ZZZ3: variants seen among roughly 807,000 people sequenced by gnomAD.
ZZZ3 encodes the protein zinc finger ZZ-type containing 3.
In ZZZ3, 22 loss-of-function variants were observed where a neutral mutation model predicts 95.2. That is an observed-to-expected ratio of 0.23 (90% CI 0.17 to 0.33). The LOEUF (loss-of-function observed/expected upper bound fraction) is 0.33, where lower values mean the gene tolerates loss of function less well. ZZZ3 is among the 10% of genes least tolerant of loss of function. The pLI is 1.00. For synonymous variants in ZZZ3, 335 were observed against 358.9 expected, an observed-to-expected ratio of 0.93 and a Z score of 0.75; for missense variants, 885 against 1,066.5, an observed-to-expected ratio of 0.83 and a Z score of 2.37.
intron 1 of ZZZ3, among the ~76,000 whole-genome samples, chr1:77,656,611 C>A (rs953143682): frequency 6.6e-6 from 1 of 152,092 alleles, no homozygotes; most frequent in Non-Finnish European, 1.5e-5. Context: ...AATATTGAGA[C>A]CTTGAATCTT....
intron 1 of ZZZ3, among the ~76,000 whole-genome samples, chr1:77,653,037 A>T (rs1036955778): frequency 1.2e-4 from 18 of 152,206 alleles, no homozygotes; most frequent in African/African-American, 3.9e-4. Context: ...AAATTAAAAA[A>T]TTAGCCAGGT....
At chr1:77,643,680 T>C (rs1668987065) in intron 1 of ZZZ3, among the ~76,000 whole-genome samples, 2 of 152,248 alleles carry the variant, frequency 1.3e-5, no homozygotes, top group South Asian at 4.1e-4. Flanking sequence ...CTGTGTTAAA[T>C]AGATTACGTG....
At position 77,632,077 on chromosome 1, in the gene ZZZ3, A is replaced by T. The variant is rs773340955; in HGVS notation, c.1278T>A (p.Ser426=). 1 of 1,614,090 alleles carries T rather than the reference A, an allele frequency of 6.2e-7. No homozygotes were observed. Among genetic ancestry groups the T allele is most frequent in the Non-Finnish European group, 8.5e-7 (1 of 1,179,974 alleles). Residue 426 remains serine (S), a synonymous_variant, in exon 5 of 15, where the codon TCT becomes TCA. Transcript: ENST00000370801. ...NATVSDNVSQ[S]PTNPGEISQN... Reference sequence around the variant, plus strand: ...GAGAAATTTCACCAGGATTTGTAGGAGATTGACTTACATTATCACTAACAG... The same window carrying T: ...GAGAAATTTCACCAGGATTTGTAGGTGATTGACTTACATTATCACTAACAG...
intron 5 of ZZZ3, among the ~76,000 whole-genome samples, chr1:77,628,351 T>C (rs1212047092): frequency 2.6e-5 from 4 of 152,188 alleles, no homozygotes; most frequent in East Asian, 3.9e-4. Flanking sequence ...AATCCACAGA[T>C]GGAATCTTGC....
chr1:77,670,130 A>G (rs1671623793), intron 1 of ZZZ3, among the ~76,000 whole-genome samples: 1 of 149,744 alleles, frequency 6.7e-6, no homozygotes, highest in Non-Finnish European at 1.5e-5. Context: ...TCTATTATCA[A>G]GCAAATCTCC....
chr1:77,620,978 A>C (rs949817711), intron 5 of ZZZ3, among the ~76,000 whole-genome samples: 2 of 152,228 alleles, frequency 1.3e-5, no homozygotes, highest in Admixed American at 6.5e-5. Context: ...TTATAACTAC[A>C]GAAATCAAAA....
At chr1:77,639,364 T>G in intron 4 of ZZZ3, 85 bp downstream of exon 4, 2 of 1,150,398 alleles carry the variant, frequency 1.7e-6, no homozygotes, top group Non-Finnish European at 2.3e-6. Context: ...TATGGAAAAA[T>G]AACAAGTCTC....
chr1:77,637,296 T>C (rs1164883188), intron 4 of ZZZ3, among the ~76,000 whole-genome samples: 2 of 152,168 alleles, frequency 1.3e-5, no homozygotes, highest in African/African-American at 2.4e-5. Context: ...CTATAAAAAA[T>C]CTTACCTGAA....
At chr1:77,633,567 C>T (rs559171773) in intron 4 of ZZZ3, among the ~76,000 whole-genome samples, 162 bp from the exon 5 acceptor site, 8 of 152,246 alleles carry the variant, frequency 5.3e-5, no homozygotes, top group South Asian at 4.1e-4. Context: ...AATTCTTTAA[C>T]GTTTCCAATA....
At chr1:77,617,452 G>C (rs1666425566) in intron 5 of ZZZ3, among the ~76,000 whole-genome samples, 1 of 152,078 alleles carries the variant, frequency 6.6e-6, no homozygotes, top group Admixed American at 6.5e-5. Flanking sequence ...TCATATTGCA[G>C]CTTCATTCCT....
chr1:77,575,393 C>CA (rs971667234), intron 12 of ZZZ3, among the ~76,000 whole-genome samples: 16 of 151,898 alleles, frequency 1.1e-4, no homozygotes, highest in Non-Finnish European at 1.9e-4. Flanking sequence ...GCTGTTATGC[C>CA]AAAAAAAGAG....
chr1:77,569,448 C>T (rs1025994270), intron 12 of ZZZ3, among the ~76,000 whole-genome samples: 5 of 152,172 alleles, frequency 3.3e-5, no homozygotes, highest in Non-Finnish European at 7.3e-5. Context: ...ATGTTCGGGA[C>T]CATCCCCCAC....
intron 12 of ZZZ3, among the ~76,000 whole-genome samples, chr1:77,575,170 C>A (rs530659922): frequency 6.6e-6 from 1 of 151,710 alleles, no homozygotes; most frequent in African/African-American, 2.4e-5. Context: ...GGCGACAGAG[C>A]GAGACTCTGC....
intron 1 of ZZZ3, among the ~76,000 whole-genome samples, chr1:77,671,649 G>A (rs1280400322): frequency 6.6e-6 from 1 of 152,012 alleles, no homozygotes; most frequent in East Asian, 1.9e-4. Flanking sequence ...AAGGTTGTAG[G>A]GAGTACTAAT....
chr1:77,655,700 T>C (rs1670208788), intron 1 of ZZZ3, among the ~76,000 whole-genome samples: 1 of 152,198 alleles, frequency 6.6e-6, no homozygotes, highest in Non-Finnish European at 1.5e-5. Flanking sequence ...TTGTCAGCAG[T>C]AGAGCAACAG....
rs1475610350 is a variant in ZZZ3 at position 77,587,392 on chromosome 1, G to A, written c.1506-2737C>T. ...CAATTCTCCTGCCTCAGCCTCCTGA[G>A]TAGGTGGGACTACAGGCACCCGCCA... is the stretch of plus-strand genomic sequence containing the variant. On this transcript the variant is annotated intron_variant, in intron 5 of 14. Transcript: ENST00000370801. 2.0e-5 allele frequency among the ~76,000 whole-genome samples: 3 copies of A among 151,138 alleles called. No homozygotes were observed. The East Asian group carries it at 5.9e-4, about 30-fold the overall frequency.
At chr1:77,618,248 T>TC in intron 5 of ZZZ3, among the ~76,000 whole-genome samples, 1 of 142,236 alleles carries the variant, frequency 7.0e-6, no homozygotes, top group African/African-American at 2.6e-5. Context: ...TTTTTTTTTT[T>TC]TTTTTTTTTT....
At chr1:77,576,875 A>G (rs1169374670) in intron 11 of ZZZ3, among the ~76,000 whole-genome samples, 3 of 152,220 alleles carry the variant, frequency 2.0e-5, no homozygotes, top group Admixed American at 1.3e-4. Context: ...TACGTGGGTC[A>G]TGGGTTGGAC....
chr1:77,569,716 T>C (rs564691703), intron 12 of ZZZ3, among the ~76,000 whole-genome samples: 1 of 152,302 alleles, frequency 6.6e-6, no homozygotes, highest in South Asian at 2.1e-4. Flanking sequence ...ACATCCCAAA[T>C]ATTAAGCTTA....
Sources: gnomAD v4.1 joint callset for allele counts (sites outside exome capture counted in the v4.1 genomes callset) on GRCh38, gnomAD v4.1.1 for gene constraint, MANE v1.5 for transcripts, NCBI Gene and HGNC (gene_info 2026-07-23, HGNC 2026-07-21) for gene names.